The following MYZAP variants were observed in gnomAD, a reference collection of about 807,000 sequenced individuals.
MYZAP encodes the protein myocardial zonula adherens protein.
A neutral mutation model predicts 69.4 loss-of-function variants in MYZAP; 66 were observed. That is an observed-to-expected ratio of 0.95 (90% CI 0.78 to 1.17). The LOEUF (loss-of-function observed/expected upper bound fraction) is 1.17, where lower values mean the gene tolerates loss of function less well. Ranked by LOEUF, MYZAP falls within the 50% of genes most tolerant of loss-of-function variation. MYZAP has a pLI of 0.00. For synonymous variants in MYZAP, 256 were observed against 205.9 expected (o/e 1.24, Z -2.09); for missense variants, 611 against 556.2 (o/e 1.10, Z -0.99).
At chr15:57,679,376 TTCTCTC>T (rs1174685106) in intron 12 of MYZAP, among the ~76,000 whole-genome samples, 4 of 135,792 alleles carry the variant, frequency 2.9e-5, no homozygotes, top group African/African-American at 9.0e-5. Context: ...GTGTGTGTGT[TTCTCTC>T]TCTCTCTCTC....
intron 1 of MYZAP, among the ~76,000 whole-genome samples, chr15:57,601,652 C>T (rs1436012141): frequency 1.3e-5 from 2 of 152,062 alleles, no homozygotes; most frequent in Non-Finnish European, 2.9e-5. Flanking sequence ...AATGATAGCC[C>T]TGGGGGTCAG....
chr15:57,600,286 G>A (rs1340633962), intron 1 of MYZAP, among the ~76,000 whole-genome samples: 2 of 152,194 alleles, frequency 1.3e-5, no homozygotes, highest in Non-Finnish European at 2.9e-5. Flanking sequence ...GCTCCTTAAT[G>A]TTTTGATCAA....
intron 8 of MYZAP, among the ~76,000 whole-genome samples, chr15:57,634,885 G>A (rs750800207): frequency 3.9e-5 from 6 of 152,198 alleles, no homozygotes; most frequent in Non-Finnish European, 8.8e-5. Context: ...AGGGGGTGGT[G>A]GTGAAGATTG....
intron 12 of MYZAP, among the ~76,000 whole-genome samples, chr15:57,677,422 A>G (rs1021263022): frequency 2.6e-5 from 4 of 152,338 alleles, no homozygotes; most frequent in African/African-American, 4.8e-5. Context: ...ACTGGAAGCC[A>G]CATAGCCAGA....
rs2036635366 is a variant in MYZAP, at chr15:57,633,611, A to G, written c.805-2A>G. On this transcript the variant is annotated splice_acceptor_variant, in intron 7 of 12. Coordinates refer to ENST00000267853, the MANE Select transcript of MYZAP (RefSeq NM_001018100.5). LOFTEE classifies it high-confidence loss of function. The stretch of plus-strand genomic sequence containing the variant: ...ACTTAGGAGGGTATATTTCTTTTGC[A>G]GGAAGAAACCAATAGTTTTCTGAAA... The G allele has an allele frequency of 6.2e-7, 1 of 1,612,280 alleles. No homozygotes were observed. The highest frequency in any genetic ancestry group is 8.5e-7 in the Non-Finnish European group (1 of 1,179,214).
intron 2 of MYZAP, among the ~76,000 whole-genome samples, chr15:57,604,753 G>A (rs2034639102): frequency 6.6e-6 from 1 of 152,230 alleles, no homozygotes; most frequent in Non-Finnish European, 1.5e-5. Context: ...GCAGCCGGGG[G>A]CTCTGCTCCC....
intron 10 of MYZAP, chr15:57,648,342 A>T: frequency 1.0e-6 from 1 of 985,434 alleles, no homozygotes; most frequent in Non-Finnish European, 1.2e-6. Flanking sequence ...TCTTTATTGA[A>T]ATTGTTCTAA....
intron 3 of MYZAP, among the ~76,000 whole-genome samples, chr15:57,619,615 G>A (rs1472750622): frequency 6.6e-6 from 1 of 152,188 alleles, no homozygotes; most frequent in Non-Finnish European, 1.5e-5. Context: ...GTTTCCCAAA[G>A]TTCTGGGATT....
intron 1 of MYZAP, among the ~76,000 whole-genome samples, chr15:57,597,855 C>T (rs1049012737): frequency 2.0e-5 from 3 of 152,208 alleles, no homozygotes; most frequent in African/African-American, 7.2e-5. Flanking sequence ...CAGCCTGCTG[C>T]AGGCTCCTGG....
chr15:57,640,713 A>G (rs989367014), intron 10 of MYZAP, among the ~76,000 whole-genome samples: 3 of 152,190 alleles, frequency 2.0e-5, no homozygotes, highest in African/African-American at 7.2e-5. Context: ...TAGGATAAAC[A>G]TACACATTAG....
intron 10 of MYZAP, among the ~76,000 whole-genome samples, chr15:57,653,262 A>C (rs1426634261): frequency 6.6e-6 from 1 of 152,194 alleles, no homozygotes; most frequent in Admixed American, 6.5e-5. Context: ...ATAATTTAAA[A>C]TGTTTATTGC....
intron 8 of MYZAP, among the ~76,000 whole-genome samples, chr15:57,634,509 TG>T: frequency 6.6e-6 from 1 of 152,172 alleles, no homozygotes; most frequent in Non-Finnish European, 1.5e-5. Context: ...TCATTCGGGA[TG>T]CCAAGAATCT....
intron 1 of MYZAP, among the ~76,000 whole-genome samples, chr15:57,597,123 G>A (rs2034112474): frequency 6.6e-6 from 1 of 152,184 alleles, no homozygotes; most frequent in Non-Finnish European, 1.5e-5. Context: ...GGCAGGAAAC[G>A]GGTGACAAAT....
intron 12 of MYZAP, among the ~76,000 whole-genome samples, chr15:57,683,907 G>A (rs1412343802): frequency 6.6e-6 from 1 of 151,982 alleles, no homozygotes; most frequent in Non-Finnish European, 1.5e-5. Context: ...CAGTTCTTCT[G>A]CCTCAGCCTC....
intron 1 of MYZAP, among the ~76,000 whole-genome samples, chr15:57,598,198 T>A (rs1290048720): frequency 6.6e-6 from 1 of 152,096 alleles, no homozygotes; most frequent in African/African-American, 2.4e-5. Context: ...ACCCAGGCCC[T>A]CATCTCCACA....
chr15:57,636,014 G>A (rs1402689209), intron 8 of MYZAP, among the ~76,000 whole-genome samples: 1 of 152,186 alleles, frequency 6.6e-6, no homozygotes, highest in East Asian at 1.9e-4. Context: ...GTTTACAAAT[G>A]TAAGAAATAA....
intron 10 of MYZAP, among the ~76,000 whole-genome samples, chr15:57,649,624 G>T (rs533500229): frequency 1.3e-5 from 2 of 151,910 alleles, no homozygotes; most frequent in African/African-American, 4.8e-5. Flanking sequence ...AAACTATTTG[G>T]GTGCCATTAT....
At chr15:57,629,586 G>A in intron 5 of MYZAP, 116 bp from the exon 6 acceptor site, 1 of 1,390,810 alleles carries the variant, frequency 7.2e-7, no homozygotes, top group South Asian at 1.5e-5. Flanking sequence ...GGCAGTTGCT[G>A]TAGCCTAGGA....
At chr15:57,635,363 C>A (rs903591262) in intron 8 of MYZAP, among the ~76,000 whole-genome samples, 1 of 152,170 alleles carries the variant, frequency 6.6e-6, no homozygotes, top group African/African-American at 2.4e-5. Context: ...TAAATGTCTA[C>A]CCTCAGAGTC....
Sources: gnomAD v4.1 joint callset for allele counts (sites outside exome capture counted in the v4.1 genomes callset) on GRCh38, gnomAD v4.1.1 for gene constraint, MANE v1.5 for transcripts, NCBI Gene and HGNC (gene_info 2026-07-23, HGNC 2026-07-21) for gene names.